MAP4: variants seen among roughly 807,000 people sequenced by gnomAD.
MAP4 encodes microtubule-associated protein 4.
In MAP4, 76 loss-of-function variants were observed where a neutral mutation model predicts 170.2. The observed-to-expected ratio is 0.45, with a 90% CI of 0.37 to 0.54. MAP4 has a LOEUF of 0.54. Ranked by LOEUF, MAP4 falls within the 20% of genes least tolerant of loss-of-function variation. The pLI, the probability that MAP4 is intolerant of heterozygous loss-of-function variation, is 0.00. For synonymous variants in MAP4, 909 were observed against 994.5 expected, an observed-to-expected ratio of 0.91 and a Z score of 1.62; for missense variants, 2,506 against 2,748.0, an observed-to-expected ratio of 0.91 and a Z score of 1.97.
intron 2 of MAP4, among the ~76,000 whole-genome samples, chr3:47,986,128 T>A (rs1401156835): frequency 1.3e-5 from 2 of 152,182 alleles, no homozygotes; most frequent in Non-Finnish European, 2.9e-5. Context: ...TTTAACAAAG[T>A]CATTTGCTTG....
chr3:47,939,730 A>C (rs575347288), intron 3 of MAP4, among the ~76,000 whole-genome samples: 1 of 151,540 alleles, frequency 6.6e-6, no homozygotes, highest in African/African-American at 2.4e-5. Flanking sequence ...TTTTTTAAAC[A>C]ACCACCTCTT....
chr3:47,914,110 G>T (rs966168375), intron 8 of MAP4, among the ~76,000 whole-genome samples: 5 of 152,140 alleles, frequency 3.3e-5, no homozygotes, highest in East Asian at 1.9e-4. Flanking sequence ...ACTGTAACTA[G>T]TAAGACTTTA....
rs1250821392 is a variant in MAP4, at chr3:47,909,821, C to G, written c.4600G>C (p.Ala1534Pro). The G allele has an allele frequency of 1.2e-6, 2 of 1,614,020 alleles. No homozygotes were observed. Among genetic ancestry groups the G allele is most frequent in the Non-Finnish European group, 1.7e-6 (2 of 1,179,878 alleles). Reference sequence around the variant, plus strand: ...CCTGCTTCATTTTTCATGGAATCAGCAAGCTCAGCTTTATTCTTAAGAGAG... The same window carrying G: ...CCTGCTTCATTTTTCATGGAATCAGGAAGCTCAGCTTTATTCTTAAGAGAG... ...DHSLKNKAELADSMKNEAGID... is the reference protein window; with the variant it reads ...DHSLKNKAELPDSMKNEAGID... The change falls in exon 9 of 21, where the codon GCT becomes CCT. Residue 1534 changes from alanine to proline, a missense_variant. Coordinates refer to ENST00000683076, the MANE Select transcript of MAP4 (RefSeq NM_001385682.1).
intron 10 of MAP4, among the ~76,000 whole-genome samples, chr3:47,885,566 C>A (rs1327654531): frequency 6.6e-6 from 1 of 152,060 alleles, no homozygotes; most frequent in Non-Finnish European, 1.5e-5. Context: ...TGAGATGATA[C>A]CATCTTGTCT....
intron 5 of MAP4, 121 bp from the exon 6 acceptor site, chr3:47,918,962 T>C (rs1193654233): frequency 1.3e-6 from 1 of 754,320 alleles, no homozygotes; most frequent in Non-Finnish European, 2.0e-6. Flanking sequence ...AGAGTTTCGC[T>C]CTGTTGCCCA....
At chr3:47,983,473 G>A (rs1157493996) in intron 2 of MAP4, among the ~76,000 whole-genome samples, 1 of 152,064 alleles carries the variant, frequency 6.6e-6, no homozygotes, top group African/African-American at 2.4e-5. Flanking sequence ...TGCAACCTCT[G>A]CCTCCCAGGT....
At chr3:47,858,620 TTGTGTGTGTG>T (rs72034058) in intron 17 of MAP4, among the ~76,000 whole-genome samples, 71 of 143,088 alleles carry the variant, frequency 5.0e-4, no homozygotes, top group African/African-American at 1.6e-3. Flanking sequence ...TGTGTGCGCG[TTGTGTGTGTG>T]TGTGTGTGTG....
rs749935054 is a variant in MAP4 at position 47,923,297 on chromosome 3, C to A, written c.416-1419G>T. Among the ~76,000 whole-genome samples the A allele has an allele frequency of 2.0e-5, 3 of 151,710 alleles. No individual in the cohort carries two copies. The East Asian group carries it at 5.8e-4, about 29-fold the overall frequency. On this transcript the variant is annotated intron_variant, in intron 4 of 20. Coordinates refer to ENST00000683076, the MANE Select transcript of MAP4 (RefSeq NM_001385682.1). The stretch of plus-strand genomic sequence containing the variant: ...CAGGCCTTGAGAGAATGTTCATTTT[C>A]TTGGCTCTGAGGCAGCTATACCACC...
chr3:48,008,446 C>T (rs1020022797), intron 1 of MAP4, among the ~76,000 whole-genome samples: 5 of 152,206 alleles, frequency 3.3e-5, no homozygotes, highest in African/African-American at 9.6e-5. Context: ...GGCAGAACTT[C>T]GAGCAGTGCA....
intron 1 of MAP4, among the ~76,000 whole-genome samples, chr3:48,080,775 T>C (rs2100146219): frequency 6.6e-6 from 1 of 151,796 alleles, no homozygotes; most frequent in East Asian, 1.9e-4. Context: ...GGTCAGGAGA[T>C]CGAGACCATC....
chr3:47,853,057 A>T, intron 20 of MAP4, 106 bp downstream of exon 20: 1 of 1,614,180 alleles, frequency 6.2e-7, no homozygotes, highest in Non-Finnish European at 8.5e-7. Flanking sequence ...ATAAAAGGTT[A>T]CTTCATTAAA....
intron 17 of MAP4, among the ~76,000 whole-genome samples, chr3:47,865,698 G>A (rs577056778): frequency 1.4e-3 from 210 of 152,320 alleles, no homozygotes; most frequent in African/African-American, 5.0e-3. Context: ...ACAGTAAGGA[G>A]AAAGAACCGA....
At chr3:47,973,370 C>A in intron 3 of MAP4, 1 of 985,396 alleles carries the variant, frequency 1.0e-6, no homozygotes, top group Non-Finnish European at 1.2e-6. Flanking sequence ...TACTGGACCA[C>A]TTGGGTGTGA....
intron 1 of MAP4, among the ~76,000 whole-genome samples, chr3:48,075,181 A>T (rs2100143215): frequency 6.6e-6 from 1 of 152,240 alleles, no homozygotes; most frequent in African/African-American, 2.4e-5. Flanking sequence ...GTGAAAATAC[A>T]AGAAAGCAAG....
At chr3:48,002,697 A>G (rs905930977) in intron 1 of MAP4, among the ~76,000 whole-genome samples, 2 of 152,110 alleles carry the variant, frequency 1.3e-5, no homozygotes, top group Non-Finnish European at 2.9e-5. Context: ...CCTGGCCAAC[A>G]CGGTGAAACC....
At chr3:47,995,470 C>G (rs1332819175) in intron 2 of MAP4, among the ~76,000 whole-genome samples, 1 of 152,058 alleles carries the variant, frequency 6.6e-6, no homozygotes, top group Non-Finnish European at 1.5e-5. Flanking sequence ...AGGCTGGTCT[C>G]AAACTCCTGA....
chr3:47,986,887 A>C (rs1655435204), intron 2 of MAP4, among the ~76,000 whole-genome samples: 1 of 152,200 alleles, frequency 6.6e-6, no homozygotes, highest in South Asian at 2.1e-4. Context: ...CCCTAAATAA[A>C]TATCTACCAT....
intron 3 of MAP4, among the ~76,000 whole-genome samples, chr3:47,950,123 C>A (rs147827744): frequency 6.6e-6 from 1 of 152,306 alleles, no homozygotes; most frequent in African/African-American, 2.4e-5. Context: ...TCCAATCTGT[C>A]TCTTTCTTTC....
chr3:48,027,074 C>A (rs2100113492), intron 1 of MAP4, among the ~76,000 whole-genome samples: 1 of 152,120 alleles, frequency 6.6e-6, no homozygotes, highest in South Asian at 2.1e-4. Context: ...CTTCTGTAGC[C>A]TAGAAAAAAG....
Sources: allele counts gnomAD v4.1 joint callset (sites outside exome capture counted in the v4.1 genomes callset), GRCh38; gene constraint gnomAD v4.1.1; transcripts MANE v1.5; gene names NCBI Gene and HGNC (gene_info 2026-07-23, HGNC 2026-07-21).